The following ADAM12 variants were observed in gnomAD, a reference collection of about 807,000 sequenced individuals.
ADAM12 encodes disintegrin and metalloproteinase domain-containing protein 12.
In ADAM12, 70 loss-of-function variants were observed where a neutral mutation model predicts 106.4. The ratio of observed to expected loss-of-function variants is 0.66; its 90% CI spans 0.54 to 0.80. The LOEUF is 0.80. Ranked by LOEUF, ADAM12 falls within the 30% of genes least tolerant of loss-of-function variation. The probability of loss-of-function intolerance (pLI) is 0.00; values close to 1 mark genes in which losing one functional copy is unlikely to be tolerated. For synonymous variants in ADAM12, 420 were observed against 433.5 expected (o/e 0.97, Z 0.39); for missense variants, 1,010 against 1,171.9 (o/e 0.86, Z 2.02).
At chr10:126,200,771 G>C (rs1285549034) in intron 3 of ADAM12, among the ~76,000 whole-genome samples, 2 of 149,146 alleles carry the variant, frequency 1.3e-5, no homozygotes, top group Admixed American at 6.6e-5. Flanking sequence ...CAATAGGTTG[G>C]AGTCTCCAAG....
chr10:126,237,452 G>A (rs538959423), intron 3 of ADAM12, among the ~76,000 whole-genome samples: 14 of 152,178 alleles, frequency 9.2e-5, no homozygotes, highest in African/African-American at 2.2e-4. Flanking sequence ...GGCAGCACCC[G>A]CTCCCCCTTC....
At chr10:126,271,766 A>C (rs890381589) in intron 3 of ADAM12, among the ~76,000 whole-genome samples, 1 of 152,226 alleles carries the variant, frequency 6.6e-6, no homozygotes, top group Non-Finnish European at 1.5e-5. Context: ...ACCCTGTCTC[A>C]AACAAATGAA....
chr10:126,295,896 G>GAC (rs1387882098), intron 2 of ADAM12, among the ~76,000 whole-genome samples: 4 of 113,460 alleles, frequency 3.5e-5, no homozygotes, highest in African/African-American at 1.2e-4. Context: ...TCGAACAACA[G>GAC]ACACACACAC....
chr10:126,063,255 G>A (rs756356384), intron 14 of ADAM12, among the ~76,000 whole-genome samples: 2 of 152,152 alleles, frequency 1.3e-5, no homozygotes, highest in African/African-American at 2.4e-5. Flanking sequence ...GCCTGCGCTC[G>A]TCCCTCCTTG....
chr10:126,330,877 G>C (rs535368768), intron 1 of ADAM12, among the ~76,000 whole-genome samples: 2 of 152,272 alleles, frequency 1.3e-5, no homozygotes, highest in African/African-American at 4.8e-5. Flanking sequence ...TGTATTAAAA[G>C]TCACATGGCT....
At chr10:126,265,260 G>A (rs1365134236) in intron 3 of ADAM12, among the ~76,000 whole-genome samples, 2 of 152,138 alleles carry the variant, frequency 1.3e-5, no homozygotes, top group Non-Finnish European at 2.9e-5. Flanking sequence ...AATTTATCTT[G>A]CTTTTTATCT....
At chr10:126,126,400 G>T (rs1317751654) in intron 5 of ADAM12, among the ~76,000 whole-genome samples, 1 of 152,084 alleles carries the variant, frequency 6.6e-6, no homozygotes, top group Non-Finnish European at 1.5e-5. Flanking sequence ...TTATTAAATT[G>T]ATATCTGGCT....
intron 2 of ADAM12, among the ~76,000 whole-genome samples, chr10:126,312,131 GAAAAAAA>G (rs35783742): frequency 8.1e-6 from 1 of 123,980 alleles, no homozygotes; most frequent in South Asian, 2.7e-4. Flanking sequence ...GGTTGGTGTG[GAAAAAAA>G]AAAAAAAAAA....
chr10:126,126,096 G>C (rs1035051026), intron 5 of ADAM12, among the ~76,000 whole-genome samples: 5 of 152,156 alleles, frequency 3.3e-5, no homozygotes, highest in African/African-American at 1.2e-4. Context: ...GGCAGTTTGT[G>C]AAGGTAGCCC....
At chr10:126,251,615 T>TGGACGGGAA (rs1468829468) in intron 3 of ADAM12, among the ~76,000 whole-genome samples, 1 of 140,110 alleles carries the variant, frequency 7.1e-6, no homozygotes, top group Non-Finnish European at 1.6e-5. Flanking sequence ...GATGGATGCA[T>TGGACGGGAA]GGATAGATGA....
chr10:126,121,150 T>A (rs1956093367), intron 5 of ADAM12, among the ~76,000 whole-genome samples: 3 of 55,074 alleles, frequency 5.4e-5, no homozygotes, highest in Non-Finnish European at 9.0e-5. Flanking sequence ...ATATATACTA[T>A]ATATACTATA....
chr10:126,372,287 G>C (rs1371835020), intron 1 of ADAM12, among the ~76,000 whole-genome samples: 1 of 152,144 alleles, frequency 6.6e-6, no homozygotes, highest in African/African-American at 2.4e-5. Context: ...GTGATACCAT[G>C]TGCCCCCTGT....
At chr10:126,225,372 T>G (rs1387233161) in intron 3 of ADAM12, among the ~76,000 whole-genome samples, 1 of 152,188 alleles carries the variant, frequency 6.6e-6, no homozygotes, top group Non-Finnish European at 1.5e-5. Context: ...CTGCAAAGTT[T>G]CCTCGTTAAG....
chr10:126,296,212 G>A (rs1019110611), intron 2 of ADAM12, among the ~76,000 whole-genome samples: 1 of 152,114 alleles, frequency 6.6e-6, no homozygotes, highest in African/African-American at 2.4e-5. Flanking sequence ...TACAATCATG[G>A]CTCACTGCCA....
chr10:126,261,919 C>T (rs1959009535), intron 3 of ADAM12, among the ~76,000 whole-genome samples: 2 of 151,798 alleles, frequency 1.3e-5, no homozygotes, highest in Admixed American at 1.3e-4. Flanking sequence ...TCTCCTGCCT[C>T]AGCCTCCCAG....
intron 3 of ADAM12, among the ~76,000 whole-genome samples, chr10:126,163,886 AT>A (rs2063406957): frequency 6.6e-6 from 1 of 152,248 alleles, no homozygotes; most frequent in African/African-American, 2.4e-5. Flanking sequence ...AATCATTATC[AT>A]AGAAACGCAA....
intron 2 of ADAM12, among the ~76,000 whole-genome samples, chr10:126,304,440 A>T (rs1960756818): frequency 6.6e-6 from 1 of 152,094 alleles, no homozygotes; most frequent in African/African-American, 2.4e-5. Flanking sequence ...AAGATAAATG[A>T]TCTAAATACT....
At chr10:126,279,167 C>A (rs1352250844) in intron 2 of ADAM12, among the ~76,000 whole-genome samples, 179 bp from the exon 3 acceptor site, 1 of 152,110 alleles carries the variant, frequency 6.6e-6, no homozygotes, top group Non-Finnish European at 1.5e-5. Context: ...TTAAAAAGAG[C>A]AGTGAAGGCC....
At chr10:126,226,695 T>C (rs138144901) in intron 3 of ADAM12, among the ~76,000 whole-genome samples, 4 of 152,318 alleles carry the variant, frequency 2.6e-5, no homozygotes, top group African/African-American at 9.6e-5. Context: ...TTGTAGTAAG[T>C]GTTCAGTAAT....
Sources: gnomAD v4.1 joint callset for allele counts (sites outside exome capture counted in the v4.1 genomes callset) on GRCh38, gnomAD v4.1.1 for gene constraint, MANE v1.5 for transcripts, NCBI Gene and HGNC (gene_info 2026-07-23, HGNC 2026-07-21) for gene names.